The following TULP4 variants were observed in gnomAD, a reference collection of about 807,000 sequenced individuals.
The protein encoded by TULP4 is tubby-related protein 4.
A neutral mutation model predicts 129.0 loss-of-function variants in TULP4; 16 were observed. That is an observed-to-expected ratio of 0.12 (90% CI 0.08 to 0.19). The LOEUF is 0.19. Ranked by LOEUF, TULP4 falls within the 10% of genes least tolerant of loss-of-function variation. TULP4 has a pLI of 1.00. For missense variants in TULP4, 1,842 were observed against 2,059.1 expected, an observed-to-expected ratio of 0.89 and a Z score of 2.04; for synonymous variants, 998 against 854.0, an observed-to-expected ratio of 1.17 and a Z score of -2.94.
intron 1 of TULP4, among the ~76,000 whole-genome samples, chr6:158,390,367 TA>T (rs879735712): frequency 1.9e-3 from 275 of 143,338 alleles, no homozygotes; most frequent in African/African-American, 2.6e-3. Context: ...TTGCAGATCT[TA>T]AAAAAAAAAA....
In TULP4 at chr6:158,444,423, C is replaced by A. The variant is rs557877004; in HGVS notation, c.544-4573C>A. Among the ~76,000 whole-genome samples, 101 of 151,802 alleles carry A rather than the reference C, an allele frequency of 6.7e-4. 1 individual carries two copies. The highest frequency in any genetic ancestry group is 2.2e-3 in the African/African-American group (90 of 41,372). ...TTTGCAATCAGTTTTTTAATGTATT[C>A]CCCCAGCCTTCAGTCATAAAAGCAA... On this transcript the variant is annotated intron_variant, in intron 3 of 13. Coordinates refer to ENST00000367097, the MANE Select transcript of TULP4 (RefSeq NM_020245.5).
intron 1 of TULP4, among the ~76,000 whole-genome samples, chr6:158,252,294 A>G (rs1778156073): frequency 1.3e-5 from 2 of 150,382 alleles, no homozygotes; most frequent in Non-Finnish European, 3.0e-5. Flanking sequence ...GATTTTTTAG[A>G]AAGTCTTTTT....
At chr6:158,307,864 T>C (rs1243284257), upstream of TULP4, among the ~76,000 whole-genome samples, 2 of 152,040 alleles carry the variant, frequency 1.3e-5, no homozygotes, top group Non-Finnish European at 2.9e-5. Context: ...TAATGAAATA[T>C]GGGATAAAAA....
At chr6:158,365,903 T>C (rs1311184785) in intron 1 of TULP4, among the ~76,000 whole-genome samples, 16 of 118,582 alleles carry the variant, frequency 1.3e-4, no homozygotes, top group East Asian at 7.4e-4. Context: ...TTCTTTCTTT[T>C]TTTTTTTTTT....
chr6:158,414,045 C>T (rs926179368), intron 2 of TULP4, among the ~76,000 whole-genome samples: 3 of 152,202 alleles, frequency 2.0e-5, no homozygotes, highest in African/African-American at 7.2e-5. Context: ...CTGTGAGCTT[C>T]CTAAGCTACA....
rs1005926498 is a variant in TULP4 at position 158,265,952 on chromosome 6, T to G, written n.68+33649T>G. On this transcript the variant is annotated intron_variant and non_coding_transcript_variant, in intron 1 of 1. Transcript: ENST00000620026. ...GCTTCGTGGTTATAGCCATATTGCC[T>G]TTACCTTTTTGGTATTATACTTACT... 1.1e-4 allele frequency among the ~76,000 whole-genome samples: 16 copies of G among 152,214 alleles called. 1 individual carries two copies. The highest frequency in any genetic ancestry group is 4.6e-4 in the Admixed American group (7 of 15,284).
Position 158,502,948 on chromosome 6 carries a change from C to A in TULP4, c.3285C>A (p.Ser1095=), listed in dbSNP as rs1165694742. ...NSAFTEDEAL[S]QHCQLEKPLR... ...CCTTCACGGAGGACGAGGCCCTGTC[C>A]CAGCACTGTCAGCTTGAGAAGCCCT... is the stretch of plus-strand genomic sequence containing the variant. The change falls in exon 13 of 14, where the codon TCC becomes TCA. Residue 1095 remains serine, a synonymous_variant. Transcript: ENST00000367097. 1 of 1,613,904 alleles carries A rather than the reference C, an allele frequency of 6.2e-7. No individual in the cohort carries two copies. The highest frequency in any genetic ancestry group is 1.3e-5 in the African/African-American group (1 of 74,916).
rs1402143439 is a variant in TULP4, at chr6:158,502,339, C to T, written c.2676C>T (p.Asp892=). 5 of 1,613,712 alleles carry T rather than the reference C, an allele frequency of 3.1e-6. No homozygotes were observed. Among genetic ancestry groups the T allele is most frequent in the Non-Finnish European group, 4.2e-6 (5 of 1,179,970 alleles). ...PLGYERITTF[D]SSGNVEEVCR... ...GCTATGAGAGGATCACCACCTTCGACAGCAGTGGCAACGTGGAGGAGGTGT... is the reference window on the plus strand; with the variant it reads ...GCTATGAGAGGATCACCACCTTCGATAGCAGTGGCAACGTGGAGGAGGTGT... The change falls in exon 13 of 14, where the codon GAC becomes GAT. Residue 892 remains aspartate, a synonymous_variant. Transcript: ENST00000367097.
At chr6:158,494,989 C>G (rs1367004501) in intron 11 of TULP4, 143 bp downstream of exon 11, 6 of 617,276 alleles carry the variant, frequency 9.7e-6, no homozygotes, top group African/African-American at 1.9e-5. Flanking sequence ...ACCTTAACTT[C>G]ACCACAGTGA....
chr6:158,389,169 A>C (rs562665565), intron 1 of TULP4, among the ~76,000 whole-genome samples: 1 of 152,212 alleles, frequency 6.6e-6, no homozygotes, highest in Non-Finnish European at 1.5e-5. Context: ...TATAAAAGGC[A>C]CCAGGTATGG....
At chr6:158,292,364 G>C (rs901648986) in intron 1 of TULP4, among the ~76,000 whole-genome samples, 1 of 152,188 alleles carries the variant, frequency 6.6e-6, no homozygotes, top group African/African-American at 2.4e-5. Context: ...TCCGATTCCA[G>C]TGCTTGTTTT....
In TULP4 at chr6:158,504,045, A is replaced by G; in HGVS notation, c.4382A>G (p.Gln1461Arg). The change falls in exon 13 of 14, where the codon CAA becomes CGA. Residue 1461 changes from glutamine (Q) to arginine (R), a missense_variant. By Grantham distance (43) the Gln-to-Arg change is conservative (BLOSUM62 1). Around this residue, in one of 5 missense-constraint regions of TULP4, gnomAD observed 1,089 missense variants for 987.1 expected, o/e 1.10. Coordinates refer to ENST00000367097, the MANE Select transcript of TULP4 (RefSeq NM_020245.5). The stretch of plus-strand genomic sequence containing the variant: ...AAGGAGGACGGGCGGCTGGGCAGCC[A>G]AGGCTTCGTGTACGTGATGGCCAAC... Reference protein sequence around the residue: ...SEKEDGRLGSQGFVYVMANKQ... With the variant: ...SEKEDGRLGSRGFVYVMANKQ... 3.1e-6 allele frequency: 5 copies of G among 1,610,042 alleles called. No individual in the cohort carries two copies. The highest frequency in any genetic ancestry group is 4.2e-6 in the Non-Finnish European group (5 of 1,178,314).
intron 1 of TULP4, among the ~76,000 whole-genome samples, chr6:158,327,757 T>G (rs1779778796): frequency 6.6e-6 from 1 of 151,984 alleles, no homozygotes; most frequent in Middle Eastern, 3.2e-3. Flanking sequence ...GGTGGTTCTG[T>G]GTGAATCTCC....
chr6:158,485,196 T>C (rs1780037246), intron 8 of TULP4, among the ~76,000 whole-genome samples: 1 of 152,144 alleles, frequency 6.6e-6, no homozygotes, highest in Non-Finnish European at 1.5e-5. Flanking sequence ...CTGAAGAGAT[T>C]TGTAAGCAAA....
At chr6:158,312,379 A>G (rs115538020), upstream of TULP4, 1 of 358,624 alleles carries the variant, frequency 2.8e-6, no homozygotes, top group Admixed American at 4.6e-5. Context: ...AAGAAAAAAA[A>G]ATTTGCGCAG....
chr6:158,483,735 G>A (rs1014508057), intron 8 of TULP4, among the ~76,000 whole-genome samples: 4 of 151,976 alleles, frequency 2.6e-5, no homozygotes, highest in African/African-American at 4.8e-5. Context: ...TTAAATACAC[G>A]TTCCTAGGCT....
At chr6:158,341,583 T>C (rs1780182435) in intron 1 of TULP4, among the ~76,000 whole-genome samples, 1 of 152,206 alleles carries the variant, frequency 6.6e-6, no homozygotes. Context: ...TGTTATTGCC[T>C]TTCTTCTTGG....
intron 3 of TULP4, among the ~76,000 whole-genome samples, chr6:158,443,451 C>T (rs1171003969): frequency 6.6e-6 from 1 of 152,090 alleles, no homozygotes; most frequent in East Asian, 1.9e-4. Flanking sequence ...TGTAGTCAGA[C>T]TATTCTCTAC....
chr6:158,432,421 C>T (rs948894084), intron 3 of TULP4, among the ~76,000 whole-genome samples: 3 of 152,170 alleles, frequency 2.0e-5, no homozygotes, highest in Non-Finnish European at 4.4e-5. Context: ...CTGCAGGAAG[C>T]CGGATGAGTC....
Sources: gnomAD v4.1 joint callset for allele counts (sites outside exome capture counted in the v4.1 genomes callset) on GRCh38, gnomAD v4.1.1 for gene constraint, gnomAD v4.1.1 regional missense constraint, MANE v1.5 for transcripts, NCBI Gene and HGNC (gene_info 2026-07-23, HGNC 2026-07-21) for gene names.